GID4: variants seen among roughly 807,000 people sequenced by gnomAD.
The protein encoded by GID4 is glucose-induced degradation protein 4 homolog.
A neutral mutation model predicts 32.4 loss-of-function variants in GID4; 7 were observed. The observed-to-expected ratio is 0.22, with a 90% CI of 0.12 to 0.41. GID4 has a LOEUF of 0.41. Ranked by LOEUF, GID4 falls within the 10% of genes least tolerant of loss-of-function variation. The pLI is 1.00. For missense variants in GID4, 309 were observed against 400.0 expected, an observed-to-expected ratio of 0.77 and a Z score of 1.94; for synonymous variants, 166 against 170.0, an observed-to-expected ratio of 0.98 and a Z score of 0.18.
At chr17:18,040,703 T>C (rs1180704743) in intron 1 of GID4, among the ~76,000 whole-genome samples, 5 of 152,168 alleles carry the variant, frequency 3.3e-5, no homozygotes, top group African/African-American at 4.8e-5. Context: ...TATCCAGACT[T>C]CCCCACCCCA....
At chr17:18,054,027 G>A (rs538248514) in intron 2 of GID4, 100 bp from the exon 3 acceptor site, 30 of 622,972 alleles carry the variant, frequency 4.8e-5, no homozygotes, top group Non-Finnish European at 8.6e-5. Flanking sequence ...GCAGTGTCTA[G>A]GTACTGGAAA....
At chr17:18,064,832 A>T (rs1186923719) in intron 5 of GID4, among the ~76,000 whole-genome samples, 1 of 152,212 alleles carries the variant, frequency 6.6e-6, no homozygotes, top group Non-Finnish European at 1.5e-5. Flanking sequence ...TACATGCTAC[A>T]GCAGGAGAGG....
chr17:18,056,445 C>G (rs1170730018), intron 3 of GID4, among the ~76,000 whole-genome samples: 3 of 152,192 alleles, frequency 2.0e-5, no homozygotes, highest in Non-Finnish European at 4.4e-5. Flanking sequence ...GCGCCCACCC[C>G]TGCCCAGGGC....
intron 2 of GID4, among the ~76,000 whole-genome samples, chr17:18,046,191 A>C (rs1222731443): frequency 6.6e-6 from 1 of 152,198 alleles, no homozygotes; most frequent in Non-Finnish European, 1.5e-5. Context: ...ATTTGGACAG[A>C]GTGCTGTGCT....
chr17:18,060,400 C>CAAAAAA (rs919974638), intron 4 of GID4, among the ~76,000 whole-genome samples: 2 of 45,672 alleles, frequency 4.4e-5, no homozygotes, highest in South Asian at 9.2e-4. Context: ...TCTGTCTCAC[C>CAAAAAA]AAAAAAAAAA....
rs114977738 is a variant in GID4, at chr17:18,044,117, G to A, written c.439-1030G>A. On this transcript the variant is annotated intron_variant, in intron 1 of 5. Transcript: ENST00000268719. The stretch of plus-strand genomic sequence containing the variant: ...TCTCCCCCAGGACTGGACACTCCAT[G>A]CGGATACTGTCACCACTAGGGGACA... Among the ~76,000 whole-genome samples the A allele has an allele frequency of 9.8e-3, 1,494 of 152,250 alleles. 17 individuals are homozygous for A. The highest frequency in any genetic ancestry group is 0.034 in the African/African-American group (1,401 of 41,538).
intron 2 of GID4, among the ~76,000 whole-genome samples, chr17:18,048,294 C>G (rs1197317143): frequency 1.3e-5 from 2 of 151,966 alleles, no homozygotes; most frequent in African/African-American, 4.8e-5. Context: ...CTCCCAAGTT[C>G]AAGCGATTCT....
At chr17:18,048,551 A>G (rs1003287844) in intron 2 of GID4, among the ~76,000 whole-genome samples, 3 of 152,260 alleles carry the variant, frequency 2.0e-5, no homozygotes, top group African/African-American at 7.2e-5. Flanking sequence ...AGTAAAATGC[A>G]GAAAACTACA....
intron 2 of GID4, among the ~76,000 whole-genome samples, chr17:18,053,726 C>G (rs913532302): frequency 2.0e-5 from 3 of 152,128 alleles, no homozygotes; most frequent in African/African-American, 7.2e-5. Context: ...CTTGAGGGAG[C>G]CTTAGTGGTA....
chr17:18,062,722 T>C (rs1333837850), intron 5 of GID4, among the ~76,000 whole-genome samples: 1 of 152,188 alleles, frequency 6.6e-6, no homozygotes, highest in Non-Finnish European at 1.5e-5. Context: ...GTAGCCACGA[T>C]TTTTAGGCTT....
chr17:18,065,249 G>A lies in GID4; in HGVS notation c.*6G>A. The stretch of plus-strand genomic sequence containing the variant: ...CCATCTATGAATTCCGGTGACAACG[G>A]TTCAGAACAGCAACCAAATAAAACT... On this transcript the variant is annotated 3_prime_UTR_variant, in exon 6 of 6. Coordinates refer to ENST00000268719, the MANE Select transcript of GID4 (RefSeq NM_024052.5). 1 of 1,610,166 alleles carries A rather than the reference G, an allele frequency of 6.2e-7. No individual in the cohort carries two copies. Among genetic ancestry groups the A allele is most frequent in the Non-Finnish European group, 8.5e-7 (1 of 1,176,432 alleles).
In GID4 at chr17:18,068,384, A is replaced by AAT. The variant is rs386385793; in HGVS notation, c.*3143_*3144dup. ...AATGTCCAAATAATTTAAAAAAAAA[A>AAT]ATAAAGGTATTTAAGCAGTGAGTTT... On this transcript the variant is annotated 3_prime_UTR_variant, in exon 6 of 6. Transcript: ENST00000268719. 2.6e-5 allele frequency: 4 copies of AAT among 152,130 alleles called. No individual in the cohort carries two copies. The highest frequency in any genetic ancestry group is 4.4e-5 in the Non-Finnish European group (3 of 67,874). 9.4% of individuals were successfully genotyped at this position (152,130 alleles called of 1,614,324 possible). A position where few individuals can be genotyped will look rare whatever the true frequency, so the allele number is the denominator to read the frequency against.
At chr17:18,049,289 T>C (rs1056492554) in intron 2 of GID4, among the ~76,000 whole-genome samples, 2 of 141,560 alleles carry the variant, frequency 1.4e-5, no homozygotes, top group African/African-American at 5.4e-5. Flanking sequence ...TGAGTTCAGA[T>C]CATGCCACTG....
chr17:18,055,537 G>A (rs781637138), intron 3 of GID4, among the ~76,000 whole-genome samples: 6 of 152,114 alleles, frequency 3.9e-5, no homozygotes, highest in Non-Finnish European at 8.8e-5. Context: ...CGTCTATGCT[G>A]GAGTGCAGTG....
rs2044995836 is a variant in GID4 at position 18,059,029 on chromosome 17, A to G, written c.708+60A>G. On this transcript the variant is annotated intron_variant, in intron 4 of 5. Coordinates refer to ENST00000268719, the MANE Select transcript of GID4 (RefSeq NM_024052.5). ...GCAAGCCAGGCCCTGTATCGCACCT[A>G]CATATTCACTCTAACCAAGGGCTCC... 4.3e-6 allele frequency: 4 copies of G among 932,312 alleles called. No homozygotes were observed. The Admixed American group carries it at 7.2e-5, about 17-fold the overall frequency. The allele number at this position is 932,312 out of a possible 1,614,324, so 57.8% of individuals were successfully genotyped here. A position where few individuals can be genotyped will look rare whatever the true frequency, so the allele number is the denominator to read the frequency against.
intron 3 of GID4, among the ~76,000 whole-genome samples, chr17:18,056,549 C>G (rs184968009): frequency 4.8e-4 from 73 of 152,376 alleles, no homozygotes; most frequent in African/African-American, 1.7e-3. Flanking sequence ...TAGTAAACCA[C>G]AGCCTCTCTC....
At position 18,065,411 on chromosome 17, in the gene GID4, G is replaced by C; in HGVS notation, c.*168G>C. On this transcript the variant is annotated 3_prime_UTR_variant, in exon 6 of 6. Coordinates refer to ENST00000268719, the MANE Select transcript of GID4 (RefSeq NM_024052.5). ...CCCACAGAATCCAAGGAGCATGGCTGGCCCGTGGGGCAGGTGGAGGGAGCA... is the reference window on the plus strand; with the variant it reads ...CCCACAGAATCCAAGGAGCATGGCTCGCCCGTGGGGCAGGTGGAGGGAGCA... 1 of 632,626 alleles carries C rather than the reference G, an allele frequency of 1.6e-6. No homozygotes were observed. Among genetic ancestry groups the C allele is most frequent in the Non-Finnish European group, 2.8e-6 (1 of 352,566 alleles). 39.2% of individuals were successfully genotyped at this position (632,626 alleles called of 1,614,324 possible). A position where few individuals can be genotyped will look rare whatever the true frequency, so the allele number is the denominator to read the frequency against.
chr17:18,040,900 A>G (rs531997313), intron 1 of GID4, among the ~76,000 whole-genome samples: 1 of 152,278 alleles, frequency 6.6e-6, no homozygotes, highest in East Asian at 1.9e-4. Flanking sequence ...ACCTGCTGCC[A>G]GTCCCTGATC....
Position 18,061,864 on chromosome 17 carries a change from A to G in GID4, c.728A>G (p.Asp243Gly), listed in dbSNP as rs1567589413. ...GTGCAGGAACAGTTTCTGGTCCCAGATCACACGATCAAAGACATCAGTGGT... is the reference window on the plus strand; with the variant it reads ...GTGCAGGAACAGTTTCTGGTCCCAGGTCACACGATCAAAGACATCAGTGGT... ...MRWKEQFLVP[D>G]HTIKDISGAS... Residue 243 changes from aspartate (D) to glycine (G), a missense_variant, in exon 5 of 6, where the codon GAT becomes GGT. Asp to Gly is a moderately conservative substitution (Grantham distance 94). Transcript: ENST00000268719. This position sits in a 1 kb window ranked among gnomAD's most constrained non-coding sequence, Gnocchi z 4.4. 1 of 1,614,168 alleles carries G rather than the reference A, an allele frequency of 6.2e-7. No homozygotes were observed. Among genetic ancestry groups the G allele is most frequent in the Non-Finnish European group, 8.5e-7 (1 of 1,180,020 alleles).
Sources: gnomAD v4.1 joint callset for allele counts (sites outside exome capture counted in the v4.1 genomes callset) on GRCh38, gnomAD v4.1.1 for gene constraint, Gnocchi (gnomAD v3.1) non-coding constraint, MANE v1.5 for transcripts, NCBI Gene and HGNC (gene_info 2026-07-23, HGNC 2026-07-21) for gene names.